The following PCDHGA5 variants were observed in gnomAD, a reference collection of about 807,000 sequenced individuals.
PCDHGA5 encodes protocadherin gamma-A5.
PCDHGA5 carries 36 observed loss-of-function variants against 56.7 expected under a neutral mutation model. The observed-to-expected ratio is 0.64, with a 90% CI of 0.49 to 0.84. The LOEUF is 0.84. Among genes scored for constraint, PCDHGA5 ranks in the 40% least tolerant of loss-of-function variants. The pLI, the probability that PCDHGA5 is intolerant of heterozygous loss-of-function variation, is 0.00. For synonymous variants in PCDHGA5, 563 were observed against 520.2 expected, an observed-to-expected ratio of 1.08 and a Z score of -1.12; for missense variants, 1,305 against 1,201.5, an observed-to-expected ratio of 1.09 and a Z score of -1.27.
chr5:141,483,869 G>A (rs2099587910), intron 1 of PCDHGA5, among the ~76,000 whole-genome samples: 1 of 152,126 alleles, frequency 6.6e-6, no homozygotes, highest in South Asian at 2.1e-4. Flanking sequence ...GTCCAGATCA[G>A]GATGGATTTT....
rs781695042 is a variant in PCDHGA5, at chr5:141,394,424, C to T, written c.2421+27673C>T. 6.2e-6 allele frequency: 10 copies of T among 1,614,104 alleles called. No individual in the cohort carries two copies. The African/African-American group carries it at 8.0e-5, about 13-fold the overall frequency. On this transcript the variant is annotated intron_variant, in intron 1 of 3. Transcript: ENST00000518069. The stretch of plus-strand genomic sequence containing the variant: ...AGCTACTGGTAACAGCCAGCGACAG[C>T]GGGGACCCGCCCCTCAGCAGCAACA...
At chr5:141,377,766 G>A (rs950570647) in intron 1 of PCDHGA5, 4 of 152,130 alleles carry the variant, frequency 2.6e-5, no homozygotes, top group African/African-American at 9.7e-5. Flanking sequence ...CCAGATCTTT[G>A]GTGTTAAAAG....
chr5:141,488,606 C>T (rs781116401), intron 1 of PCDHGA5, among the ~76,000 whole-genome samples: 2 of 152,156 alleles, frequency 1.3e-5, no homozygotes, highest in Admixed American at 1.3e-4. Flanking sequence ...TTACAAGGTT[C>T]TTACTAATCT....
At chr5:141,475,553 TTGTC>T (rs2099365287) in intron 1 of PCDHGA5, among the ~76,000 whole-genome samples, 2 of 152,260 alleles carry the variant, frequency 1.3e-5, no homozygotes, top group Non-Finnish European at 2.9e-5. Context: ...GTCCGGCTAA[TTGTC>T]TGTCTTCCAA....
intron 1 of PCDHGA5, chr5:141,471,533 G>C (rs921328911): frequency 1.3e-5 from 2 of 152,234 alleles, no homozygotes. Context: ...AGGAAGCTAT[G>C]ATAGCATTTA....
chr5:141,365,902 G>A lies in PCDHGA5; in HGVS notation c.1572G>A (p.Gln524=), dbSNP rs373157726. ...CTCTGAGATCCTTCGACTATGAGCAGTTGAGAGACCTACAGTTGTGGGTGA... is the reference window on the plus strand; with the variant it reads ...CTCTGAGATCCTTCGACTATGAGCAATTGAGAGACCTACAGTTGTGGGTGA... ...LYALRSFDYE[Q]LRDLQLWVTA... The change falls in exon 1 of 4, where the codon CAG becomes CAA. Residue 524 remains glutamine (Q), a synonymous_variant. Coordinates refer to ENST00000518069, the MANE Select transcript of PCDHGA5 (RefSeq NM_018918.3). 22 of 1,614,138 alleles carry A rather than the reference G, an allele frequency of 1.4e-5. No homozygotes were observed. The African/African-American group carries it at 2.9e-4, about 22-fold the overall frequency.
chr5:141,422,349 T>G, intron 1 of PCDHGA5: 1 of 1,554,722 alleles, frequency 6.4e-7, no homozygotes, highest in South Asian at 1.3e-5. Flanking sequence ...ATGTGCAAGA[T>G]CAAGATTCTG....
chr5:141,400,229 T>C lies in PCDHGA5; in HGVS notation c.2421+33478T>C, dbSNP rs370433551. ...GCCTTGATCTCAGTGCTCTTCCTCCTGGCCGTGATTCTGGCCGTTGCCTTG... is the reference window on the plus strand; with the variant it reads ...GCCTTGATCTCAGTGCTCTTCCTCCCGGCCGTGATTCTGGCCGTTGCCTTG... On this transcript the variant is annotated intron_variant, in intron 1 of 3. Transcript: ENST00000518069. 3.1e-6 allele frequency: 5 copies of C among 1,613,872 alleles called. No individual in the cohort carries two copies. In the African/African-American group the frequency reaches 4.0e-5, roughly 13 times the overall value.
chr5:141,372,577 A>C (rs550513861), intron 1 of PCDHGA5: 1 of 1,614,006 alleles, frequency 6.2e-7, no homozygotes, highest in African/African-American at 1.3e-5. Context: ...GGCTACTTTC[A>C]GCCTGGTGTC....
At chr5:141,492,163 C>G (rs921256341) in intron 1 of PCDHGA5, among the ~76,000 whole-genome samples, 3 of 152,232 alleles carry the variant, frequency 2.0e-5, no homozygotes, top group Admixed American at 6.5e-5. Flanking sequence ...CCTCCCTATC[C>G]CCGCATCACC....
In PCDHGA5 at chr5:141,476,839, G is replaced by T; in HGVS notation, c.2422-17968G>T. The T allele has an allele frequency of 1.9e-6, 3 of 1,613,610 alleles. No individual in the cohort carries two copies. Among genetic ancestry groups the T allele is most frequent in the East Asian group, 2.2e-5 (1 of 44,862 alleles). ...AGGTGCTGGACGCGAATGACAATGC[G>T]CCTGTCTTCAACCAGTCCTTGTACC... On this transcript the variant is annotated intron_variant, in intron 1 of 3. Coordinates refer to ENST00000518069, the MANE Select transcript of PCDHGA5 (RefSeq NM_018918.3). This position sits in a 1 kb window ranked among gnomAD's most constrained non-coding sequence, Gnocchi z 7.6.
rs539905795 is a variant in PCDHGA5, at chr5:141,419,910, C to T, written c.2421+53159C>T. 1.5e-5 allele frequency: 25 copies of T among 1,614,086 alleles called. No individual in the cohort carries two copies. In the South Asian group the frequency reaches 2.4e-4, roughly 16 times the overall value. On this transcript the variant is annotated intron_variant, in intron 1 of 3. Coordinates refer to ENST00000518069, the MANE Select transcript of PCDHGA5 (RefSeq NM_018918.3). ...AGCGACCATCCCACACCCTCTGACT[C>T]CCAGGCTGAGATGCAGTTTTACCTG...
intron 1 of PCDHGA5, chr5:141,403,981 T>C (rs374013287): frequency 1.4e-5 from 23 of 1,613,600 alleles, no homozygotes; most frequent in Admixed American, 1.2e-4. Flanking sequence ...TAAATGACAA[T>C]AGACCTGAAG....
Position 141,477,230 on chromosome 5 carries a change from G to A in PCDHGA5, c.2422-17577G>A, listed in dbSNP as rs768648952. The A allele has an allele frequency of 1.3e-5, 21 of 1,614,164 alleles. No individual in the cohort carries two copies. The highest frequency in any genetic ancestry group is 1.8e-5 in the Non-Finnish European group (21 of 1,180,046). On this transcript the variant is annotated intron_variant, in intron 1 of 3. Coordinates refer to ENST00000518069, the MANE Select transcript of PCDHGA5 (RefSeq NM_018918.3). This position sits in a 1 kb window ranked among gnomAD's most constrained non-coding sequence, Gnocchi z 4.9. ...GGATGCCCCTCTGGGGACTGTCATC[G>A]CTTTGCTCAGTGTGACTGACCTGGA...
Position 141,393,813 on chromosome 5 carries a change from C to T in PCDHGA5, c.2421+27062C>T, listed in dbSNP as rs376904307. On this transcript the variant is annotated intron_variant, in intron 1 of 3. Coordinates refer to ENST00000518069, the MANE Select transcript of PCDHGA5 (RefSeq NM_018918.3). ...GGCACTTCTGGGGAGGACCAAATTGCTCATTTCGGTGGAAGATGTAAATGA... is the reference window on the plus strand; with the variant it reads ...GGCACTTCTGGGGAGGACCAAATTGTTCATTTCGGTGGAAGATGTAAATGA... 4.3e-6 allele frequency: 7 copies of T among 1,613,812 alleles called. 1 individual carries two copies. The East Asian group carries it at 8.9e-5, about 21-fold the overall frequency.
intron 1 of PCDHGA5, among the ~76,000 whole-genome samples, chr5:141,382,481 T>C (rs1778238182): frequency 6.6e-6 from 1 of 152,228 alleles, no homozygotes; most frequent in Non-Finnish European, 1.5e-5. Flanking sequence ...TCTAAGATTA[T>C]CAAACACCGG....
intron 1 of PCDHGA5, among the ~76,000 whole-genome samples, chr5:141,386,518 A>C (rs2090605382): frequency 0.01 from 1 of 96 alleles, no homozygotes; most frequent in Non-Finnish European, 0.017. Flanking sequence ...TCTTCAAAAA[A>C]AGACTCTTTT....
intron 1 of PCDHGA5, chr5:141,419,465 G>A (rs568864628): frequency 1.9e-6 from 3 of 1,612,544 alleles, no homozygotes; most frequent in South Asian, 1.1e-5. Context: ...GCAGGCCCGC[G>A]ACCAGGGCTC....
chr5:141,366,006 C>G lies in PCDHGA5; in HGVS notation c.1676C>G (p.Thr559Arg). Residue 559 changes from threonine (T) to arginine (R), a missense_variant, in exon 1 of 4, where the codon ACG becomes AGG. Physicochemically the swap from Thr to Arg is moderately conservative, Grantham distance 71. Transcript: ENST00000518069. ...SLFVLDQNDNTPEILYPALPT... is the reference protein window; with the variant it reads ...SLFVLDQNDNRPEILYPALPT... ...TTTGTGCTGGACCAGAACGACAATA[C>G]GCCTGAGATCCTGTACCCCGCCCTC... 1.9e-6 allele frequency: 3 copies of G among 1,614,240 alleles called. No homozygotes were observed. The highest frequency in any genetic ancestry group is 2.5e-6 in the Non-Finnish European group (3 of 1,180,038).
Sources: gnomAD v4.1 joint callset for allele counts (sites outside exome capture counted in the v4.1 genomes callset) on GRCh38, gnomAD v4.1.1 for gene constraint, Gnocchi (gnomAD v3.1) non-coding constraint, MANE v1.5 for transcripts, NCBI Gene and HGNC (gene_info 2026-07-23, HGNC 2026-07-21) for gene names.